CETP: variants seen among roughly 807,000 people sequenced by gnomAD.
CETP encodes the protein BPI fold containing family F.
In CETP, 56 loss-of-function variants were observed where a neutral mutation model predicts 66.5. That is an observed-to-expected ratio of 0.84 (90% confidence interval 0.68 to 1.05). The LOEUF is 1.05. CETP is among the 50% of genes least tolerant of loss of function. CETP has a pLI of 0.00. For synonymous variants in CETP, 251 were observed against 245.7 expected (o/e 1.02, Z -0.20); for missense variants, 612 against 609.6 (o/e 1.00, Z -0.04).
chr16:56,971,928 G>A (rs1026377400), intron 7 of CETP, 64 bp from the exon 8 acceptor site: 1 of 1,379,814 alleles, frequency 7.2e-7, no homozygotes, highest in Non-Finnish European at 1.0e-6. Flanking sequence ...GTGGATGCAG[G>A]GGAGCGGTGA....
chr16:56,980,468 A>G (rs1351102409), intron 11 of CETP, among the ~76,000 whole-genome samples: 1 of 152,170 alleles, frequency 6.6e-6, no homozygotes, highest in Non-Finnish European at 1.5e-5. Flanking sequence ...CACTGTGCCC[A>G]GTTTATTTAG....
rs534053619 is a variant in CETP at position 56,977,731 on chromosome 16, T to G, written c.982-360T>G. On this transcript the variant is annotated intron_variant, in intron 10 of 15. Transcript: ENST00000200676. ...TGCAGTAGGTCCTGTTCTAAGCTCT[T>G]TCCACAGATTATCTCATTCCATCCT... is the stretch of plus-strand genomic sequence containing the variant. Among the ~76,000 whole-genome samples, 294 of 152,300 alleles carry G rather than the reference T, an allele frequency of 1.9e-3. 2 individuals carry two copies. The highest frequency in any genetic ancestry group is 3.9e-3 in the South Asian group (19 of 4,828).
chr16:56,962,961 G>A (rs1187458122), intron 1 of CETP, 49 bp from the exon 2 acceptor site: 1 of 1,538,442 alleles, frequency 6.5e-7, no homozygotes, highest in Non-Finnish European at 9.0e-7. Context: ...GTGGGAGCAG[G>A]GGGCTTGGTG....
At chr16:56,970,557 G>A (rs1260251678) in intron 5 of CETP, among the ~76,000 whole-genome samples, 1 of 152,210 alleles carries the variant, frequency 6.6e-6, no homozygotes, top group Non-Finnish European at 1.5e-5. Flanking sequence ...GCTTCCCAGG[G>A]TGGGGCTTTT....
At chr16:56,971,469 C>T (rs997654645) in intron 7 of CETP, 88 bp downstream of exon 7, 1 of 1,137,530 alleles carries the variant, frequency 8.8e-7, no homozygotes, top group East Asian at 2.3e-5. Flanking sequence ...GGGACTGTCA[C>T]TCTTCCTGTC....
chr16:56,975,162 C>T lies in CETP; in HGVS notation c.981+11C>T, dbSNP rs1458886432. ...GAAATCTTCCAAGAGGTAACTGCCC[C>T]CTGCCCCTGTGTGGGGTTTATCTCA... On this transcript the variant is annotated intron_variant, in intron 10 of 15. Coordinates refer to ENST00000200676, the MANE Select transcript of CETP (RefSeq NM_000078.3). 3 of 1,613,860 alleles carry T rather than the reference C, an allele frequency of 1.9e-6. No individual in the cohort carries two copies. The highest frequency in any genetic ancestry group is 1.1e-5 in the South Asian group (1 of 91,082).
At chr16:56,969,282 G>T in intron 2 of CETP, 104 bp from the exon 3 acceptor site, 1 of 1,448,696 alleles carries the variant, frequency 6.9e-7, no homozygotes, top group South Asian at 1.1e-5. Context: ...CATTTTGGGG[G>T]CCATGATTCT....
At chr16:56,982,073 G>A in intron 13 of CETP, 92 bp from the exon 14 acceptor site, 1 of 1,187,124 alleles carries the variant, frequency 8.4e-7, no homozygotes, top group Non-Finnish European at 1.3e-6. Context: ...GGATGGGCAT[G>A]AGGATGAATG....
At chr16:56,966,424 A>G (rs150222002) in intron 2 of CETP, among the ~76,000 whole-genome samples, 1 of 152,296 alleles carries the variant, frequency 6.6e-6, no homozygotes, top group East Asian at 1.9e-4. Context: ...CCAGAGCTCA[A>G]GAACTTGAAA....
Position 56,983,362 on chromosome 16 carries a change from A to C in CETP, c.1358A>C (p.Lys453Thr). 1 of 1,614,228 alleles carries C rather than the reference A, an allele frequency of 6.2e-7. No individual in the cohort carries two copies. Among genetic ancestry groups the C allele is most frequent in the South Asian group, 1.1e-5 (1 of 91,090 alleles). The change falls in exon 15 of 16, where the codon AAA becomes ACA. Residue 453 changes from lysine to threonine, a missense_variant. Lys to Thr is a moderately conservative substitution (Grantham distance 78). Coordinates refer to ENST00000200676, the MANE Select transcript of CETP (RefSeq NM_000078.3). ...EVVFTALMNS[K>T]GVSLFDIINP... ...GTGTTTACAGCCCTCATGAACAGCA[A>C]AGGCGTGAGCCTCTTCGACATCATC...
chr16:56,975,555 G>C (rs146240136), intron 10 of CETP, among the ~76,000 whole-genome samples: 3 of 152,294 alleles, frequency 2.0e-5, no homozygotes, highest in Non-Finnish European at 2.9e-5. Flanking sequence ...GATTACTCCT[G>C]ATCCCAAAGC....
In CETP at chr16:56,977,043, G is replaced by C. The variant is rs116893196; in HGVS notation, c.982-1048G>C. On this transcript the variant is annotated intron_variant, in intron 10 of 15. Coordinates refer to ENST00000200676, the MANE Select transcript of CETP (RefSeq NM_000078.3). The stretch of plus-strand genomic sequence containing the variant: ...CGTGCCTCAGCCTCCCGATTGGCTG[G>C]GGTTACAGGGGTGCACCACTGTGCC... Among the ~76,000 whole-genome samples, 469 of 152,092 alleles carry C rather than the reference G, an allele frequency of 3.1e-3. 17 individuals are homozygous for C. In the East Asian group the frequency reaches 0.056, roughly 18 times the overall value.
chr16:56,972,910 G>A (rs1296568540), intron 8 of CETP, among the ~76,000 whole-genome samples: 1 of 152,156 alleles, frequency 6.6e-6, no homozygotes. Flanking sequence ...TGGGCTGGAT[G>A]ATCTAGTGGG....
At chr16:56,964,839 TA>T (rs1197314592) in intron 2 of CETP, among the ~76,000 whole-genome samples, 3 of 152,138 alleles carry the variant, frequency 2.0e-5, no homozygotes, top group Non-Finnish European at 2.9e-5. Context: ...TAGGCTTCTG[TA>T]AAAGAGAATA....
At chr16:56,982,046 G>A in intron 13 of CETP, 119 bp from the exon 14 acceptor site, 1 of 952,600 alleles carries the variant, frequency 1.0e-6, no homozygotes, top group Non-Finnish European at 1.7e-6. Context: ...GGAGTGGGTT[G>A]GATGTATTTT....
chr16:56,981,284 TG>T, intron 12 of CETP, 59 bp downstream of exon 12: 1 of 1,358,280 alleles, frequency 7.4e-7, no homozygotes, highest in Non-Finnish European at 1.1e-6. Flanking sequence ...CCTGGCCCCT[TG>T]GAGTCAGGCA....
intron 8 of CETP, 118 bp downstream of exon 8, chr16:56,972,201 C>CGCTCCTCCTCATTCCTGAT (rs1226861487): frequency 1.4e-6 from 1 of 738,016 alleles, no homozygotes; most frequent in Non-Finnish European, 2.3e-6. Flanking sequence ...AGTCCTGGGG[C>CGCTCCTCCTCATTCCTGAT]GCTCCTCCTC....
At chr16:56,980,725 C>T (rs2056181510) in intron 11 of CETP, among the ~76,000 whole-genome samples, 1 of 152,084 alleles carries the variant, frequency 6.6e-6, no homozygotes, top group Non-Finnish European at 1.5e-5. Context: ...AGTTCAAGAC[C>T]AGCCTGGCCA....
chr16:56,982,556 C>T (rs939297809), intron 14 of CETP, among the ~76,000 whole-genome samples: 2 of 152,210 alleles, frequency 1.3e-5, no homozygotes, highest in Non-Finnish European at 2.9e-5. Context: ...AGTCTGAGAC[C>T]TAGTTCTAGC....
Sources: gnomAD v4.1 joint callset for allele counts (sites outside exome capture counted in the v4.1 genomes callset) on GRCh38, gnomAD v4.1.1 for gene constraint, MANE v1.5 for transcripts, NCBI Gene and HGNC (gene_info 2026-07-23, HGNC 2026-07-21) for gene names.